The following TRIT1 variants were observed in gnomAD, a reference collection of about 807,000 sequenced individuals.
The protein encoded by TRIT1 is tRNA dimethylallyltransferase.
TRIT1 carries 43 observed loss-of-function variants against 51.2 expected under a neutral mutation model. That is an observed-to-expected ratio of 0.84 (90% CI 0.66 to 1.08). The LOEUF (loss-of-function observed/expected upper bound fraction) is 1.08, where lower values mean the gene tolerates loss of function less well. Among genes scored for constraint, TRIT1 ranks in the 50% least tolerant of loss-of-function variants. TRIT1 has a pLI of 0.00. For missense variants in TRIT1, 528 were observed against 578.4 expected (o/e 0.91, Z 0.89); for synonymous variants, 184 against 203.9 (o/e 0.90, Z 0.83).
At chr1:39,854,222 A>C (rs1431361614) in intron 2 of TRIT1, among the ~76,000 whole-genome samples, 154 bp from the exon 3 acceptor site, 1 of 152,224 alleles carries the variant, frequency 6.6e-6, no homozygotes, top group African/African-American at 2.4e-5. Flanking sequence ...GTTTCCAACA[A>C]ATTTCCAGAA....
At chr1:39,871,341 G>A (rs1049091568) in intron 1 of TRIT1, among the ~76,000 whole-genome samples, 2 of 152,146 alleles carry the variant, frequency 1.3e-5, no homozygotes, top group Non-Finnish European at 2.9e-5. Context: ...GCCTATAATC[G>A]GAGCCTGAGG....
At chr1:39,858,802 T>C (rs1643048663) in intron 1 of TRIT1, among the ~76,000 whole-genome samples, 1 of 152,200 alleles carries the variant, frequency 6.6e-6, no homozygotes, top group Non-Finnish European at 1.5e-5. Flanking sequence ...TCATTTAATT[T>C]GTGCCTGACA....
At chr1:39,848,826 C>CAA (rs530561057) in intron 5 of TRIT1, among the ~76,000 whole-genome samples, 1 of 141,286 alleles carries the variant, frequency 7.1e-6, no homozygotes, top group African/African-American at 2.6e-5. Flanking sequence ...CTGTCTCAAA[C>CAA]AAAAAAAAAA....
chr1:39,838,209 G>C lies in TRIT1; in HGVS notation c.*3535C>G, dbSNP rs1203327837. On this transcript the variant is annotated 3_prime_UTR_variant, in exon 11 of 11. Coordinates refer to ENST00000316891, the MANE Select transcript of TRIT1 (RefSeq NM_017646.6). Reference sequence around the variant, plus strand: ...AAATAACCAGTTAGCCATCATTTTAGAAAACAGCCTTAACTGCCCAAGTAG... The same window carrying C: ...AAATAACCAGTTAGCCATCATTTTACAAAACAGCCTTAACTGCCCAAGTAG... Among the ~76,000 whole-genome samples the C allele has an allele frequency of 6.6e-6, 1 of 152,188 alleles. No homozygotes were observed. Among genetic ancestry groups the C allele is most frequent in the East Asian group, 1.9e-4 (1 of 5,194 alleles).
chr1:39,855,399 G>A (rs1409456781), intron 2 of TRIT1, among the ~76,000 whole-genome samples: 1 of 152,124 alleles, frequency 6.6e-6, no homozygotes, highest in African/African-American at 2.4e-5. Flanking sequence ...TAAGTATAGG[G>A]AGCATACAAT....
intron 1 of TRIT1, among the ~76,000 whole-genome samples, chr1:39,867,086 C>G (rs913844799): frequency 1.3e-5 from 2 of 152,212 alleles, no homozygotes; most frequent in African/African-American, 4.8e-5. Flanking sequence ...GGCTTTTATT[C>G]TTTCCTACGG....
At chr1:39,847,780 T>A in intron 6 of TRIT1, 120 bp from the exon 7 acceptor site, 8 of 1,543,186 alleles carry the variant, frequency 5.2e-6, no homozygotes, top group Non-Finnish European at 7.0e-6. Context: ...TCCTGAGCAG[T>A]TACTGATTCT....
intron 1 of TRIT1, among the ~76,000 whole-genome samples, chr1:39,865,387 G>A (rs1643478665): frequency 6.6e-6 from 1 of 152,204 alleles, no homozygotes; most frequent in South Asian, 2.1e-4. Flanking sequence ...TTCTCTGGGT[G>A]ACACCCATGG....
At chr1:39,860,792 T>TA (rs1472989691) in intron 1 of TRIT1, among the ~76,000 whole-genome samples, 1 of 152,142 alleles carries the variant, frequency 6.6e-6, no homozygotes, top group Non-Finnish European at 1.5e-5. Context: ...AAGTTTATTT[T>TA]AAAAAAGCCG....
Position 39,841,427 on chromosome 1 carries a change from G to T in TRIT1, c.*317C>A, listed in dbSNP as rs537752574. ...AGTCAATCCTGGTATTCACCACAAA[G>T]AAGATCCTCATGTATAAAAATGTGG... On this transcript the variant is annotated 3_prime_UTR_variant, in exon 11 of 11. Coordinates refer to ENST00000316891, the MANE Select transcript of TRIT1 (RefSeq NM_017646.6). The T allele has an allele frequency of 3.5e-4, 69 of 197,670 alleles. No homozygotes were observed. The highest frequency in any genetic ancestry group is 1.5e-3 in the African/African-American group (64 of 43,240). The allele number at this position is 197,670 out of a possible 1,614,324, so 12.2% of individuals were successfully genotyped here.
rs145946296 is a variant in TRIT1, at chr1:39,840,179, C to T, written c.*1565G>A. Reference sequence around the variant, plus strand: ...AGTAAGTACTCATCTCCACTCCCACCGGGAAGATGTGGCTTCCCACCTTGT... The same window carrying T: ...AGTAAGTACTCATCTCCACTCCCACTGGGAAGATGTGGCTTCCCACCTTGT... On this transcript the variant is annotated 3_prime_UTR_variant, in exon 11 of 11. Transcript: ENST00000316891. Among the ~76,000 whole-genome samples the T allele has an allele frequency of 9.1e-4, 139 of 152,268 alleles. No individual in the cohort carries two copies. The South Asian group carries it at 0.011, about 12-fold the overall frequency.
intron 1 of TRIT1, among the ~76,000 whole-genome samples, chr1:39,860,087 C>T (rs1255973172): frequency 6.6e-6 from 1 of 152,140 alleles, no homozygotes; most frequent in Non-Finnish European, 1.5e-5. Context: ...AAGGAAGTGG[C>T]CTATGGTACT....
In TRIT1 at chr1:39,840,284, G is replaced by A. The variant is rs915185431; in HGVS notation, c.*1460C>T. ...AGATTCAAATCAGTTAAAAGTGGGT[G>A]AGGCTCTGGAATTCAGCACTGTTTA... On this transcript the variant is annotated 3_prime_UTR_variant, in exon 11 of 11. Transcript: ENST00000316891. 5.9e-5 allele frequency among the ~76,000 whole-genome samples: 9 copies of A among 152,204 alleles called. No homozygotes were observed. Among genetic ancestry groups the A allele is most frequent in the Admixed American group, 2.0e-4 (3 of 15,276 alleles).
At chr1:39,882,144 A>C (rs1306063332) in intron 1 of TRIT1, among the ~76,000 whole-genome samples, 1 of 152,260 alleles carries the variant, frequency 6.6e-6, no homozygotes, top group Non-Finnish European at 1.5e-5. Context: ...GTTAGGCTAT[A>C]GCTGCATATC....
Position 39,842,257 on chromosome 1 carries a change from CA to C in TRIT1, c.1235-345del, listed in dbSNP as rs563203470. On this transcript the variant is annotated intron_variant, in intron 10 of 10. Transcript: ENST00000316891. ...GTCTTACAAAATGTCCAAGGTCACA[CA>C]GCAGGTAAACTCTTCTACTTAGACC... Among the ~76,000 whole-genome samples the C allele has an allele frequency of 4.4e-4, 67 of 152,330 alleles. 3 individuals are homozygous for C. In the South Asian group the frequency reaches 0.013, roughly 29 times the overall value.
At chr1:39,872,068 A>ATTTTTTTTTTTT (rs59839907) in intron 1 of TRIT1, among the ~76,000 whole-genome samples, 1 of 114,252 alleles carries the variant, frequency 8.8e-6, no homozygotes, top group African/African-American at 3.7e-5. Context: ...GGCCTGACTA[A>ATTTTTTTTTTTT]TTTTTTTTTT....
chr1:39,861,892 C>CCAG (rs1330363471), intron 1 of TRIT1, among the ~76,000 whole-genome samples: 2 of 150,222 alleles, frequency 1.3e-5, no homozygotes, highest in African/African-American at 4.9e-5. Context: ...CCACTGCGCT[C>CCAG]CAGCCTGGGC....
chr1:39,845,770 G>A (rs1642188487), intron 8 of TRIT1, among the ~76,000 whole-genome samples: 2 of 152,190 alleles, frequency 1.3e-5, no homozygotes. Context: ...GCTGGGGTGG[G>A]GAAGTCCCCC....
chr1:39,848,485 C>G (rs1015673184), intron 5 of TRIT1, among the ~76,000 whole-genome samples: 3 of 151,150 alleles, frequency 2.0e-5, no homozygotes, highest in Non-Finnish European at 2.9e-5. Flanking sequence ...TGTTTAAGAA[C>G]CCCTAGATGA....
Sources: allele counts gnomAD v4.1 joint callset (sites outside exome capture counted in the v4.1 genomes callset), GRCh38; gene constraint gnomAD v4.1.1; transcripts MANE v1.5; gene names NCBI Gene and HGNC (gene_info 2026-07-23, HGNC 2026-07-21).